The following NR1D2 variants were observed in gnomAD, a reference collection of about 807,000 sequenced individuals.
NR1D2 encodes V-erbA-related protein 1-related.
A neutral mutation model predicts 52.2 loss-of-function variants in NR1D2; 25 were observed. The observed-to-expected ratio is 0.48, with a 90% CI of 0.35 to 0.67. The LOEUF is 0.67. Among genes scored for constraint, NR1D2 ranks in the 30% least tolerant of loss-of-function variants. The pLI, the probability that NR1D2 is intolerant of heterozygous loss-of-function variation, is 0.01. For synonymous variants in NR1D2, 259 were observed against 230.1 expected (o/e 1.13, Z -1.14); for missense variants, 681 against 707.2 (o/e 0.96, Z 0.42).
At chr3:23,957,415 T>A (rs866610588) in intron 3 of NR1D2, among the ~76,000 whole-genome samples, 219 of 79,156 alleles carry the variant, frequency 2.8e-3, no homozygotes, top group Non-Finnish European at 4.0e-3. Flanking sequence ...TTTTTTTTTT[T>A]ACAAAAATGT....
intron 7 of NR1D2, among the ~76,000 whole-genome samples, 172 bp from the exon 8 acceptor site, chr3:23,977,051 C>G (rs1444275219): frequency 1.3e-5 from 2 of 152,098 alleles, no homozygotes; most frequent in South Asian, 2.1e-4. Flanking sequence ...TAGTAACTAG[C>G]TAACGATTTG....
At chr3:23,959,250 C>G (rs561548075) in intron 3 of NR1D2, among the ~76,000 whole-genome samples, 1 of 139,582 alleles carries the variant, frequency 7.2e-6, no homozygotes, top group South Asian at 2.3e-4. Flanking sequence ...GGCAACAGAA[C>G]GAGATCCTAT....
In NR1D2 at chr3:23,962,410, T is replaced by C; in HGVS notation, c.951T>C (p.His317=). The C allele has an allele frequency of 6.2e-7, 1 of 1,614,180 alleles. No homozygotes were observed. Among genetic ancestry groups the C allele is most frequent in the East Asian group, 2.2e-5 (1 of 44,874 alleles). The stretch of plus-strand genomic sequence containing the variant: ...TTCCCTGTAGTGAGAGCCAGCAGCA[T>C]CTCAATGGACAGTTCAAAGGGAGGA... ...SHFPCSESQQ[H]LNGQFKGRNI... The change falls in exon 5 of 8, where the codon CAT becomes CAC. Residue 317 remains histidine, a synonymous_variant. Transcript: ENST00000312521.
chr3:23,971,979 T>G (rs1038800708), intron 7 of NR1D2, among the ~76,000 whole-genome samples: 4 of 152,222 alleles, frequency 2.6e-5, no homozygotes, highest in Non-Finnish European at 2.9e-5. Flanking sequence ...GGAAACCTCT[T>G]CTCCAAACCT....
chr3:23,976,666 T>G (rs1575162658), intron 7 of NR1D2, among the ~76,000 whole-genome samples: 2 of 152,314 alleles, frequency 1.3e-5, no homozygotes, highest in South Asian at 4.1e-4. Flanking sequence ...AGGCCACAGT[T>G]TCTTGTAAGC....
chr3:23,979,689 A>C lies in NR1D2; in HGVS notation c.*2270A>C, dbSNP rs1170051477. 2 of 152,116 alleles carry C rather than the reference A, an allele frequency of 1.3e-5. No individual in the cohort carries two copies. Among genetic ancestry groups the C allele is most frequent in the African/African-American group, 4.8e-5 (2 of 41,452 alleles). The allele number at this position is 152,116 out of a possible 1,614,324, so 9.4% of individuals were successfully genotyped here. A position where few individuals can be genotyped will look rare whatever the true frequency, so the allele number is the denominator to read the frequency against. Reference sequence around the variant, plus strand: ...TCACTCATAGCATTTCTATATTTGAAAGTAGCCCAATATAAAACTTTTGAT... The same window carrying C: ...TCACTCATAGCATTTCTATATTTGACAGTAGCCCAATATAAAACTTTTGAT... On this transcript the variant is annotated 3_prime_UTR_variant, in exon 8 of 8. Coordinates refer to ENST00000312521, the MANE Select transcript of NR1D2 (RefSeq NM_005126.5).
At chr3:23,965,908 T>C (rs933201309) in intron 6 of NR1D2, among the ~76,000 whole-genome samples, 5 of 152,188 alleles carry the variant, frequency 3.3e-5, no homozygotes, top group African/African-American at 1.2e-4. Flanking sequence ...TTTGGGGATA[T>C]ATCAGACATT....
intron 7 of NR1D2, among the ~76,000 whole-genome samples, chr3:23,970,514 A>C (rs1706558725): frequency 6.6e-6 from 1 of 152,198 alleles, no homozygotes; most frequent in Non-Finnish European, 1.5e-5. Context: ...GATCACTATT[A>C]ATATTGGGGA....
At chr3:23,952,760 A>G (rs554879653) in intron 1 of NR1D2, among the ~76,000 whole-genome samples, 2 of 151,462 alleles carry the variant, frequency 1.3e-5, no homozygotes, top group East Asian at 1.9e-4. Context: ...GATGAAAAAC[A>G]TTGTGTGTTT....
rs954919667 is a variant in NR1D2 at position 23,979,487 on chromosome 3, T to C, written c.*2068T>C. 6.6e-6 allele frequency: 1 copy of C among 152,080 alleles called. No individual in the cohort carries two copies. Among genetic ancestry groups the C allele is most frequent in the South Asian group, 2.1e-4 (1 of 4,832 alleles). The allele number at this position is 152,080 out of a possible 1,614,324, so 9.4% of individuals were successfully genotyped here. ...AACATGTATCTTTAAAACAATTAAG[T>C]CTTTAGGAATGTGTAACCAGAACTA... On this transcript the variant is annotated 3_prime_UTR_variant, in exon 8 of 8. Transcript: ENST00000312521.
chr3:23,952,061 T>A (rs1468468261), intron 1 of NR1D2, among the ~76,000 whole-genome samples: 1 of 152,224 alleles, frequency 6.6e-6, no homozygotes, highest in African/African-American at 2.4e-5. Flanking sequence ...CCAAGAGGGC[T>A]TATTAAAGTT....
intron 1 of NR1D2, among the ~76,000 whole-genome samples, chr3:23,952,142 C>T (rs1286679738): frequency 2.0e-5 from 3 of 152,124 alleles, no homozygotes; most frequent in East Asian, 1.9e-4. Context: ...ATACTGATGC[C>T]CCTAGTCCAG....
At position 23,970,551 on chromosome 3, in the gene NR1D2, A is replaced by G. The variant is rs1405202346; in HGVS notation, c.1543+2528A>G. 6.6e-5 allele frequency among the ~76,000 whole-genome samples: 10 copies of G among 152,284 alleles called. No homozygotes were observed. In the South Asian group the frequency reaches 1.7e-3, roughly 25 times the overall value. On this transcript the variant is annotated intron_variant, in intron 7 of 7. Transcript: ENST00000312521. ...TCTTTATCCATTTACCTATCCATCTATCCATTCGCCTATCCATCTATCCAT... is the reference window on the plus strand; with the variant it reads ...TCTTTATCCATTTACCTATCCATCTGTCCATTCGCCTATCCATCTATCCAT...
At chr3:23,963,273 C>G in intron 5 of NR1D2, 1 of 1,351,732 alleles carries the variant, frequency 7.4e-7, no homozygotes, top group Non-Finnish European at 9.8e-7. Context: ...CAGTACCACA[C>G]CATTTCCAGT....
rs762512892 is a variant in NR1D2, at chr3:23,977,252, G to A, written c.1573G>A (p.Val525Met). The A allele has an allele frequency of 2.5e-6, 4 of 1,607,482 alleles. No homozygotes were observed. Among genetic ancestry groups the A allele is most frequent in the Non-Finnish European group, 2.5e-6 (3 of 1,177,384 alleles). The change falls in exon 8 of 8, where the codon GTG (valine) becomes ATG (methionine). Residue 525 changes from valine to methionine, a missense_variant. This residue lies in a region of NR1D2 where 475 missense variants were observed against 454.5 expected (regional missense o/e 1.05). Coordinates refer to ENST00000312521, the MANE Select transcript of NR1D2 (RefSeq NM_005126.5). ...ATCTGGAATAGAAAACGTCAACTCT[G>A]TGGAGGCTTTGCAGGAAACTCTCAT... ...DRSGIENVNS[V>M]EALQETLIRA...
At chr3:23,975,544 G>T (rs2125299697) in intron 7 of NR1D2, among the ~76,000 whole-genome samples, 1 of 152,280 alleles carries the variant, frequency 6.6e-6, no homozygotes, top group East Asian at 1.9e-4. Flanking sequence ...GGCCGAGGCG[G>T]GTGGATCACA....
intron 1 of NR1D2, among the ~76,000 whole-genome samples, chr3:23,946,909 T>C (rs1705744623): frequency 1.3e-5 from 2 of 152,230 alleles, no homozygotes; most frequent in East Asian, 3.8e-4. Flanking sequence ...GTTTTATTTT[T>C]TGAGTTGCAA....
intron 1 of NR1D2, among the ~76,000 whole-genome samples, chr3:23,946,893 G>C (rs1705743007): frequency 6.6e-6 from 1 of 152,170 alleles, no homozygotes; most frequent in Non-Finnish European, 1.5e-5. Context: ...GAAACAGCCA[G>C]CTTTTGTTTT....
chr3:23,946,239 C>T lies in NR1D2; in HGVS notation c.16+645C>T, dbSNP rs949796662. ...ACACCGCAGTGCACCGGACGCCGCA[C>T]GCTCTTTTCGCGAGGTGACCCCAAG... On this transcript the variant is annotated intron_variant, in intron 1 of 7. Transcript: ENST00000312521. The T allele has an allele frequency of 3.0e-6, 3 of 985,342 alleles. No homozygotes were observed. In the African/African-American group the frequency reaches 5.2e-5, roughly 17 times the overall value. The allele number at this position is 985,342 out of a possible 1,614,324, so 61.0% of individuals were successfully genotyped here. A position where few individuals can be genotyped will look rare whatever the true frequency, so the allele number is the denominator to read the frequency against.
Sources: allele counts gnomAD v4.1 joint callset (sites outside exome capture counted in the v4.1 genomes callset), GRCh38; gene constraint gnomAD v4.1.1; regional missense constraint gnomAD v4.1.1; transcripts MANE v1.5; gene names NCBI Gene and HGNC (gene_info 2026-07-23, HGNC 2026-07-21).